Variants in UMAD1 observed in about 807,000 individuals in gnomAD.
UMAD1 encodes UBAP1-MVB12-associated (UMA)-domain containing protein 1.
UMAD1 carries 8 observed loss-of-function variants against 6.1 expected under a neutral mutation model. The observed-to-expected ratio is 1.30, with a 90% CI of 0.76 to 2.35. UMAD1 has a LOEUF of 2.35. Among genes scored for constraint, UMAD1 ranks in the 30% most tolerant of loss-of-function variants. The pLI is 0.00. For synonymous variants in UMAD1, 56 were observed against 31.4 expected (o/e 1.78, Z -2.61); for missense variants, 130 against 78.4 (o/e 1.66, Z -2.49).
rs148486973 is a variant in UMAD1, at chr7:7,741,613, A to G, written c.83-60057A>G. Among the ~76,000 whole-genome samples, 60 of 148,684 alleles carry G rather than the reference A, an allele frequency of 4.0e-4. No homozygotes were observed. In the East Asian group the frequency reaches 7.0e-3, roughly 17 times the overall value. On this transcript the variant is annotated intron_variant, in intron 2 of 3. Transcript: ENST00000682710. ...AATAATAATAATAATAATAATAATA[A>G]TAAAAATAATAAAAAAACACTGTAA... is the stretch of plus-strand genomic sequence containing the variant.
At position 7,786,448 on chromosome 7, in the gene UMAD1, T is replaced by G. The variant is rs116952077; in HGVS notation, c.83-15222T>G. On this transcript the variant is annotated intron_variant, in intron 2 of 3. Transcript: ENST00000682710. ...CAGGTGGTGCACAGCTCCTGTTCGT[T>G]ACATTACTGAAAATGTCAACCATCA... Among the ~76,000 whole-genome samples, 80 of 152,298 alleles carry G rather than the reference T, an allele frequency of 5.3e-4. 2 individuals carry two copies. The East Asian group carries it at 0.014, about 26-fold the overall frequency.
chr7:7,774,709 C>A (rs1782167032), intron 2 of UMAD1, among the ~76,000 whole-genome samples: 1 of 152,110 alleles, frequency 6.6e-6, no homozygotes. Flanking sequence ...GTTTGATTCC[C>A]AACCCACTGC....
chr7:7,668,029 A>C (rs947118711), intron 1 of UMAD1, among the ~76,000 whole-genome samples: 2 of 150,728 alleles, frequency 1.3e-5, no homozygotes, highest in Non-Finnish European at 3.0e-5. Flanking sequence ...CAGTCCTCCA[A>C]CCTCAGCCTC....
At chr7:7,726,370 T>C (rs1184143032) in intron 2 of UMAD1, among the ~76,000 whole-genome samples, 2 of 152,228 alleles carry the variant, frequency 1.3e-5, no homozygotes, top group Non-Finnish European at 2.9e-5. Flanking sequence ...GCTCATGGAA[T>C]TCACTGGTCT....
intron 2 of UMAD1, among the ~76,000 whole-genome samples, chr7:7,702,583 C>T (rs1563137048): frequency 1.3e-5 from 2 of 152,044 alleles, no homozygotes; most frequent in Non-Finnish European, 2.9e-5. Context: ...TACTTTTAAA[C>T]ATTGTTTTAT....
chr7:7,692,636 A>G (rs1780199731), intron 2 of UMAD1: 2 of 152,164 alleles, frequency 1.3e-5, no homozygotes, highest in South Asian at 4.1e-4. Context: ...TTTGAGATGG[A>G]GTCTTGCTGT....
intron 2 of UMAD1, among the ~76,000 whole-genome samples, chr7:7,771,332 G>A (rs1782096404): frequency 6.6e-6 from 1 of 152,162 alleles, no homozygotes; most frequent in African/African-American, 2.4e-5. Flanking sequence ...GAATGAGGTT[G>A]TAAATGAGAC....
chr7:7,675,760 A>T (rs1779723202), intron 2 of UMAD1, among the ~76,000 whole-genome samples: 1 of 150,606 alleles, frequency 6.6e-6, no homozygotes, highest in Admixed American at 6.6e-5. Context: ...GTGAGGAATC[A>T]CTTCCGTCGT....
At position 7,873,350 on chromosome 7, in the gene UMAD1, CTTTCAGTT is replaced by C. The variant is rs550396991; in HGVS notation, c.157-3926_157-3919del. 6.2e-3 allele frequency among the ~76,000 whole-genome samples: 945 copies of C among 152,228 alleles called. 5 individuals are homozygous for C. Among genetic ancestry groups the C allele is most frequent in the Non-Finnish European group, 9.3e-3 (635 of 68,020 alleles). ...TATGGTGCACCCAAACGTTGCTTCC[CTTTCAGTT>C]TTTCTATATAAACCAGTGTATAGAG... On this transcript the variant is annotated intron_variant, in intron 3 of 3. Coordinates refer to ENST00000682710, the MANE Select transcript of UMAD1 (RefSeq NM_001302348.2).
intron 2 of UMAD1, among the ~76,000 whole-genome samples, chr7:7,759,897 G>A (rs1411654429): frequency 6.6e-6 from 1 of 152,222 alleles, no homozygotes; most frequent in African/African-American, 2.4e-5. Context: ...CCCTAACTTA[G>A]GCAGTGTTAA....
At chr7:7,721,826 T>C (rs1253167970) in intron 2 of UMAD1, among the ~76,000 whole-genome samples, 1 of 152,072 alleles carries the variant, frequency 6.6e-6, no homozygotes. Flanking sequence ...CCTGGGTGTG[T>C]CTGTGTGGGT....
At chr7:7,778,426 T>C (rs1029132111) in intron 2 of UMAD1, among the ~76,000 whole-genome samples, 3 of 151,360 alleles carry the variant, frequency 2.0e-5, no homozygotes, top group Admixed American at 6.6e-5. Context: ...TTTTTTTCTT[T>C]CTTTCTTTTC....
intron 2 of UMAD1, among the ~76,000 whole-genome samples, chr7:7,727,739 C>T (rs1312379053): frequency 6.6e-6 from 1 of 152,256 alleles, no homozygotes; most frequent in East Asian, 1.9e-4. Flanking sequence ...ACATCTTTCT[C>T]CCGTGCTGGA....
At chr7:7,654,705 C>G (rs541440059) in intron 1 of UMAD1, among the ~76,000 whole-genome samples, 21 of 152,180 alleles carry the variant, frequency 1.4e-4, no homozygotes, top group African/African-American at 5.1e-4. Context: ...GAGTTCGAGA[C>G]CAGCCTGGCC....
At chr7:7,828,267 T>C (rs1783386575) in intron 3 of UMAD1, among the ~76,000 whole-genome samples, 1 of 152,222 alleles carries the variant, frequency 6.6e-6, no homozygotes, top group African/African-American at 2.4e-5. Flanking sequence ...CTATTATTTG[T>C]TGTTCTACTG....
chr7:7,783,663 A>G (rs1022544413), intron 2 of UMAD1, among the ~76,000 whole-genome samples: 9 of 152,246 alleles, frequency 5.9e-5, no homozygotes, highest in Non-Finnish European at 1.0e-4. Context: ...ATGTGCTTTC[A>G]TTAGAGAGGC....
intron 1 of UMAD1, among the ~76,000 whole-genome samples, chr7:7,651,604 G>A (rs1219782619): frequency 6.6e-6 from 1 of 152,182 alleles, no homozygotes; most frequent in East Asian, 1.9e-4. Flanking sequence ...AGGAGAGACT[G>A]TGTCAGATTA....
intron 2 of UMAD1, among the ~76,000 whole-genome samples, chr7:7,777,332 C>A (rs1254582028): frequency 2.0e-5 from 3 of 151,224 alleles, no homozygotes; most frequent in African/African-American, 7.3e-5. Flanking sequence ...TGGTGAAACC[C>A]TATCTCTACT....
intron 3 of UMAD1, among the ~76,000 whole-genome samples, chr7:7,849,605 A>T (rs7784105): frequency 0.42 from 64,585 of 152,030 alleles, 14,336 homozygotes; most frequent in African/African-American, 0.48. Flanking sequence ...TGTCTACTGT[A>T]TACCAGGTAT....
Sources: allele counts gnomAD v4.1 joint callset (sites outside exome capture counted in the v4.1 genomes callset), GRCh38; gene constraint gnomAD v4.1.1; transcripts MANE v1.5; gene names NCBI Gene and HGNC (gene_info 2026-07-23, HGNC 2026-07-21).